BANK1: variants seen among roughly 807,000 people sequenced by gnomAD.
BANK1 encodes B-cell scaffold protein with ankyrin repeats.
In BANK1, 95 loss-of-function variants were observed where a neutral mutation model predicts 94.5. The observed-to-expected ratio is 1.00, with a 90% CI of 0.85 to 1.19. BANK1 has a LOEUF of 1.19. BANK1 is among the 50% of genes most tolerant of loss of function. The pLI, the probability that BANK1 is intolerant of heterozygous loss-of-function variation, is 0.00. For missense variants in BANK1, 987 were observed against 932.2 expected (o/e 1.06, Z -0.77); for synonymous variants, 334 against 308.4 (o/e 1.08, Z -0.87).
intron 7 of BANK1, among the ~76,000 whole-genome samples, chr4:101,956,908 T>C (rs1386060507): frequency 2.0e-5 from 3 of 152,194 alleles, no homozygotes; most frequent in African/African-American, 7.2e-5. Context: ...CAACATCAGA[T>C]AATTTAAAAA....
rs934654566 is a variant in BANK1 at position 102,074,388 on chromosome 4, A to C, written c.*389A>C. 2.6e-5 allele frequency: 4 copies of C among 152,040 alleles called. No homozygotes were observed. Among genetic ancestry groups the C allele is most frequent in the African/African-American group, 9.7e-5 (4 of 41,434 alleles). The allele number at this position is 152,040 out of a possible 1,614,324, so 9.4% of individuals were successfully genotyped here. On this transcript the variant is annotated 3_prime_UTR_variant, in exon 17 of 17. Coordinates refer to ENST00000322953, the MANE Select transcript of BANK1 (RefSeq NM_017935.5). ...AACAGATTATTCCTCCTCTCCTTAG[A>C]ATAACCATGAAAATACAAATTTACT...
At chr4:101,823,302 A>T (rs2148860509) in intron 1 of BANK1, among the ~76,000 whole-genome samples, 1 of 152,362 alleles carries the variant, frequency 6.6e-6, no homozygotes, top group African/African-American at 2.4e-5. Flanking sequence ...AATGTATATA[A>T]ATCATGTAGA....
At chr4:101,802,580 G>A (rs1725391791) in intron 1 of BANK1, among the ~76,000 whole-genome samples, 1 of 152,132 alleles carries the variant, frequency 6.6e-6, no homozygotes, top group African/African-American at 2.4e-5. Flanking sequence ...CTTTCACTAA[G>A]GATGTATTTT....
intron 11 of BANK1, among the ~76,000 whole-genome samples, chr4:102,054,394 CT>C (rs1728157935): frequency 6.6e-6 from 1 of 152,042 alleles, no homozygotes; most frequent in African/African-American, 2.4e-5. Flanking sequence ...TGCAACAACT[CT>C]GTTAGAAGGG....
chr4:101,798,549 A>G (rs1239133317), intron 1 of BANK1, among the ~76,000 whole-genome samples: 1 of 152,166 alleles, frequency 6.6e-6, no homozygotes, highest in East Asian at 1.9e-4. Context: ...ATCTTCCACA[A>G]TGGTTGGACT....
chr4:101,806,370 C>T (rs144774241), intron 1 of BANK1, among the ~76,000 whole-genome samples: 1 of 152,074 alleles, frequency 6.6e-6, no homozygotes, highest in African/African-American at 2.4e-5. Flanking sequence ...AAATTAAGAT[C>T]CTTGATGACT....
intron 4 of BANK1, among the ~76,000 whole-genome samples, chr4:101,865,647 C>G (rs1382631099): frequency 6.6e-6 from 1 of 152,104 alleles, no homozygotes; most frequent in African/African-American, 2.4e-5. Flanking sequence ...AGGTATGCCA[C>G]AGCAAAAACC....
intron 13 of BANK1, among the ~76,000 whole-genome samples, chr4:102,067,847 T>C (rs1728643030): frequency 6.6e-6 from 1 of 152,032 alleles, no homozygotes; most frequent in Non-Finnish European, 1.5e-5. Flanking sequence ...AGAATACATA[T>C]TTATTAAAGG....
chr4:101,951,892 C>G (rs1167252125), intron 7 of BANK1, among the ~76,000 whole-genome samples: 1 of 151,814 alleles, frequency 6.6e-6, no homozygotes, highest in Non-Finnish European at 1.5e-5. Flanking sequence ...AGAATGTGTG[C>G]TCATAAGTAG....
intron 10 of BANK1, among the ~76,000 whole-genome samples, chr4:102,034,582 G>A (rs1023494037): frequency 1.3e-5 from 2 of 152,100 alleles, no homozygotes; most frequent in African/African-American, 4.8e-5. Context: ...CAGAAGTTAG[G>A]GAAAATAGTA....
chr4:102,040,679 G>A (rs957456451), intron 10 of BANK1, among the ~76,000 whole-genome samples: 7 of 151,972 alleles, frequency 4.6e-5, no homozygotes, highest in African/African-American at 1.7e-4. Flanking sequence ...TTTTATGTTA[G>A]TCTAAGCCCC....
At chr4:101,921,903 T>G (rs953066379) in intron 7 of BANK1, among the ~76,000 whole-genome samples, 1 of 151,904 alleles carries the variant, frequency 6.6e-6, no homozygotes, top group African/African-American at 2.4e-5. Context: ...GAAGTACTCC[T>G]GATTGGGAAT....
chr4:101,846,626 A>C (rs556700024), intron 2 of BANK1, among the ~76,000 whole-genome samples: 1 of 152,336 alleles, frequency 6.6e-6, no homozygotes, highest in Admixed American at 6.5e-5. Flanking sequence ...AAGGGGAAGC[A>C]AGGAATATCT....
chr4:102,026,737 G>A lies in BANK1; in HGVS notation c.1594+1228G>A, dbSNP rs77415787. On this transcript the variant is annotated intron_variant, in intron 9 of 16. Transcript: ENST00000322953. The stretch of plus-strand genomic sequence containing the variant: ...CTGGGGAGGCTGAGGCAGGAGAATC[G>A]CTTGAGCCCGGGAGGCGGAGGTTGC... Among the ~76,000 whole-genome samples the A allele has an allele frequency of 5.4e-3, 811 of 150,408 alleles. 16 individuals are homozygous for A. The East Asian group carries it at 0.064, about 12-fold the overall frequency.
At chr4:101,807,071 T>C (rs1725578454) in intron 1 of BANK1, among the ~76,000 whole-genome samples, 1 of 152,196 alleles carries the variant, frequency 6.6e-6, no homozygotes, top group Non-Finnish European at 1.5e-5. Context: ...TGACTACTGA[T>C]GCATAACTGC....
chr4:101,814,894 T>C (rs1172200696), intron 1 of BANK1, among the ~76,000 whole-genome samples: 1 of 152,188 alleles, frequency 6.6e-6, no homozygotes, highest in African/African-American at 2.4e-5. Context: ...TACTTTGAAA[T>C]GTGGCACATT....
At chr4:102,066,638 A>C (rs1241764872) in intron 13 of BANK1, among the ~76,000 whole-genome samples, 1 of 152,222 alleles carries the variant, frequency 6.6e-6, no homozygotes, top group Admixed American at 6.5e-5. Context: ...AAATAAAGAC[A>C]TTTAAGATAA....
At chr4:101,944,706 G>T (rs1210956694) in intron 7 of BANK1, among the ~76,000 whole-genome samples, 1 of 151,966 alleles carries the variant, frequency 6.6e-6, no homozygotes, top group Non-Finnish European at 1.5e-5. Context: ...TTGTAGAAGT[G>T]ATTAATTAGA....
intron 1 of BANK1, among the ~76,000 whole-genome samples, chr4:101,810,937 A>T (rs754922067): frequency 6.6e-6 from 1 of 152,298 alleles, no homozygotes. Flanking sequence ...GTACGTATCA[A>T]TGATTGCTGG....
Sources: allele counts gnomAD v4.1 joint callset (sites outside exome capture counted in the v4.1 genomes callset), GRCh38; gene constraint gnomAD v4.1.1; transcripts MANE v1.5; gene names NCBI Gene and HGNC (gene_info 2026-07-23, HGNC 2026-07-21).